Variants in NELL1 observed in about 807,000 individuals in gnomAD.
NELL1 encodes the protein protein kinase C-binding protein NELL1.
In NELL1, 76 loss-of-function variants were observed where a neutral mutation model predicts 107.4. The ratio of observed to expected loss-of-function variants is 0.71; its 90% CI spans 0.59 to 0.86. The LOEUF (loss-of-function observed/expected upper bound fraction) is 0.86. Among genes scored for constraint, NELL1 ranks in the 40% least tolerant of loss-of-function variants. The pLI, the probability that NELL1 is intolerant of heterozygous loss-of-function variation, is 0.00. For synonymous variants in NELL1, 353 were observed against 341.2 expected, an observed-to-expected ratio of 1.03 and a Z score of -0.38; for missense variants, 1,024 against 1,005.5, an observed-to-expected ratio of 1.02 and a Z score of -0.25.
At chr11:21,160,068 T>C (rs1319689154) in intron 13 of NELL1, among the ~76,000 whole-genome samples, 1 of 152,254 alleles carries the variant, frequency 6.6e-6, no homozygotes, top group Non-Finnish European at 1.5e-5. Context: ...ATTTCTTTTC[T>C]GTTTTTAGAG....
chr11:21,491,463 C>A (rs1001344711), intron 15 of NELL1, among the ~76,000 whole-genome samples: 1 of 152,172 alleles, frequency 6.6e-6, no homozygotes, highest in South Asian at 2.1e-4. Context: ...GAATCCTTTC[C>A]CCATTGCTTG....
chr11:20,691,665 G>A (rs1385244243), intron 2 of NELL1, among the ~76,000 whole-genome samples: 2 of 151,900 alleles, frequency 1.3e-5, no homozygotes, highest in African/African-American at 4.8e-5. Flanking sequence ...GCTTTTTGAT[G>A]TGCTGCTGGA....
At chr11:21,087,395 A>C (rs1452280519) in intron 12 of NELL1, among the ~76,000 whole-genome samples, 1 of 152,178 alleles carries the variant, frequency 6.6e-6, no homozygotes, top group Non-Finnish European at 1.5e-5. Context: ...AAGAAAAAAA[A>C]AAATATTTTG....
At chr11:20,739,991 T>C (rs1855855157) in intron 2 of NELL1, among the ~76,000 whole-genome samples, 1 of 152,356 alleles carries the variant, frequency 6.6e-6, no homozygotes, top group Non-Finnish European at 1.5e-5. Flanking sequence ...AAATATTTAT[T>C]GAGTCACTGC....
At chr11:21,064,148 G>C (rs1383004775) in intron 12 of NELL1, among the ~76,000 whole-genome samples, 1 of 152,156 alleles carries the variant, frequency 6.6e-6, no homozygotes, top group Admixed American at 6.5e-5. Flanking sequence ...ACCAGAACCA[G>C]GGAAGACAGT....
chr11:21,219,598 T>A (rs1432051953), intron 13 of NELL1, among the ~76,000 whole-genome samples: 1 of 152,332 alleles, frequency 6.6e-6, no homozygotes, highest in East Asian at 1.9e-4. Flanking sequence ...TCTAGTAGTT[T>A]TATTAATTTA....
intron 15 of NELL1, among the ~76,000 whole-genome samples, chr11:21,466,863 G>C (rs1297310436): frequency 6.6e-6 from 1 of 151,840 alleles, no homozygotes; most frequent in East Asian, 2.0e-4. Context: ...GATGGTCCTA[G>C]ATGCCTAGAT....
intron 14 of NELL1, among the ~76,000 whole-genome samples, chr11:21,299,517 G>A (rs1275642534): frequency 0.013 from 204 of 15,884 alleles, no homozygotes; most frequent in African/African-American, 0.019. Context: ...TTATATGTGT[G>A]TGTGTGTGTG....
chr11:20,731,099 G>A (rs571228021), intron 2 of NELL1, among the ~76,000 whole-genome samples: 2 of 152,236 alleles, frequency 1.3e-5, no homozygotes, highest in South Asian at 4.1e-4. Context: ...GATAATTTCA[G>A]CTGCAGCTCC....
At chr11:21,308,658 A>T (rs1349038639) in intron 14 of NELL1, among the ~76,000 whole-genome samples, 2 of 151,958 alleles carry the variant, frequency 1.3e-5, no homozygotes, top group Non-Finnish European at 2.9e-5. Context: ...TTCTACTTTC[A>T]TCTTCTCTCC....
At chr11:21,425,766 A>C (rs1852805426) in intron 15 of NELL1, among the ~76,000 whole-genome samples, 1 of 152,226 alleles carries the variant, frequency 6.6e-6, no homozygotes, top group Admixed American at 6.5e-5. Context: ...TAATACAAAG[A>C]TAAAGATATT....
At position 21,221,567 on chromosome 11, in the gene NELL1, T is replaced by C. The variant is rs187314344; in HGVS notation, c.1427-7765T>C. 2.6e-3 allele frequency among the ~76,000 whole-genome samples: 395 copies of C among 152,342 alleles called. 2 individuals are homozygous for C. The highest frequency in any genetic ancestry group is 8.6e-3 in the African/African-American group (358 of 41,584). Reference sequence around the variant, plus strand: ...ACTGTTTCAATCTCTTTACTTGTTATTGGTCTGTCCAGTTTTCCTATTTCT... The same window carrying C: ...ACTGTTTCAATCTCTTTACTTGTTACTGGTCTGTCCAGTTTTCCTATTTCT... On this transcript the variant is annotated intron_variant, in intron 13 of 19. Transcript: ENST00000357134.
intron 2 of NELL1, among the ~76,000 whole-genome samples, chr11:20,697,021 A>G (rs1854635744): frequency 6.6e-6 from 1 of 152,142 alleles, no homozygotes; most frequent in Admixed American, 6.6e-5. Context: ...CAGTCTGTTT[A>G]CACATCCAGT....
chr11:20,936,371 T>C (rs1189467958), intron 9 of NELL1, among the ~76,000 whole-genome samples: 2 of 152,200 alleles, frequency 1.3e-5, no homozygotes, highest in African/African-American at 4.8e-5. Context: ...CCTTTGCTCA[T>C]GGAAGTGGAT....
At chr11:21,551,174 T>A (rs565903338) in intron 16 of NELL1, among the ~76,000 whole-genome samples, 1 of 151,938 alleles carries the variant, frequency 6.6e-6, no homozygotes, top group Non-Finnish European at 1.5e-5. Flanking sequence ...ATGCTTGTGA[T>A]TTTTGCACAT....
At chr11:21,511,387 C>T (rs146916864) in intron 15 of NELL1, among the ~76,000 whole-genome samples, 2,136 of 152,174 alleles carry the variant, frequency 0.014, 54 homozygotes, top group African/African-American at 0.049. Context: ...TCCAGAGAAG[C>T]GCCCTCCACT....
chr11:21,336,459 G>T (rs1366338882), intron 14 of NELL1, among the ~76,000 whole-genome samples: 1 of 151,784 alleles, frequency 6.6e-6, no homozygotes, highest in Non-Finnish European at 1.5e-5. Context: ...AATCTAGGTT[G>T]TTTCCACTTT....
chr11:21,349,834 G>T (rs1032609886), intron 14 of NELL1, among the ~76,000 whole-genome samples: 4 of 151,986 alleles, frequency 2.6e-5, no homozygotes, highest in Admixed American at 2.0e-4. Flanking sequence ...TCCTCAATAT[G>T]GCTGTATCTT....
chr11:21,338,707 T>G (rs1489442734), intron 14 of NELL1, among the ~76,000 whole-genome samples: 1 of 151,836 alleles, frequency 6.6e-6, no homozygotes, highest in Non-Finnish European at 1.5e-5. Flanking sequence ...CCTTTTTTTT[T>G]GTTCAATGTC....
Sources: gnomAD v4.1 joint callset for allele counts (sites outside exome capture counted in the v4.1 genomes callset) on GRCh38, gnomAD v4.1.1 for gene constraint, MANE v1.5 for transcripts, NCBI Gene and HGNC (gene_info 2026-07-23, HGNC 2026-07-21) for gene names.